C1orf185: variants seen among roughly 807,000 people sequenced by gnomAD.
C1orf185 encodes the protein uncharacterized protein C1orf185.
A neutral mutation model predicts 16.1 loss-of-function variants in C1orf185; 13 were observed. That is an observed-to-expected ratio of 0.81 (90% CI 0.53 to 1.28). The LOEUF is 1.28. Ranked by LOEUF, C1orf185 falls within the 50% of genes most tolerant of loss-of-function variation. The probability of loss-of-function intolerance (pLI) is 0.00; values close to 1 mark genes in which losing one functional copy is unlikely to be tolerated. For synonymous variants in C1orf185, 80 were observed against 76.9 expected (o/e 1.04, Z -0.21); for missense variants, 220 against 225.2 (o/e 0.98, Z 0.15).
At chr1:51,151,715 G>A (rs368874478), downstream of C1orf185, among the ~76,000 whole-genome samples, 2 of 151,786 alleles carry the variant, frequency 1.3e-5, no homozygotes, top group South Asian at 2.1e-4. Flanking sequence ...TTGAGACAGA[G>A]TCTTGCTCTG....
chr1:51,141,205 T>A (rs1400228567), intron 3 of C1orf185, among the ~76,000 whole-genome samples: 1 of 152,204 alleles, frequency 6.6e-6, no homozygotes, highest in Non-Finnish European at 1.5e-5. Context: ...TAAGAAGAGA[T>A]AAGGCCAGGG....
intron 4 of C1orf185, among the ~76,000 whole-genome samples, chr1:51,146,506 A>C (rs990530661): frequency 6.6e-6 from 1 of 152,054 alleles, no homozygotes; most frequent in Non-Finnish European, 1.5e-5. Context: ...CTTATACATA[A>C]ATTTTTTAAA....
intron 1 of C1orf185, among the ~76,000 whole-genome samples, chr1:51,108,183 A>G (rs1297211082): frequency 6.6e-6 from 1 of 152,156 alleles, no homozygotes; most frequent in Non-Finnish European, 1.5e-5. Flanking sequence ...GGCACTGTAT[A>G]TAGTGGTCAT....
At chr1:51,107,445 T>G (rs1646082034) in intron 1 of C1orf185, 1 of 152,194 alleles carries the variant, frequency 6.6e-6, no homozygotes, top group Non-Finnish European at 1.5e-5. Context: ...AATAGTAAAA[T>G]TTGGTGTACT....
chr1:51,134,596 T>TAAAA (rs1557651035), intron 3 of C1orf185, among the ~76,000 whole-genome samples: 2 of 151,502 alleles, frequency 1.3e-5, no homozygotes, highest in Non-Finnish European at 2.9e-5. Flanking sequence ...TAAAATAAAA[T>TAAAA]AGACCACTAG....
chr1:51,137,333 G>A (rs887039996), intron 3 of C1orf185, among the ~76,000 whole-genome samples: 3 of 152,080 alleles, frequency 2.0e-5, no homozygotes, highest in African/African-American at 7.2e-5. Flanking sequence ...AGGAGTTAGA[G>A]ACCAGTCTGG....
chr1:51,123,827 T>C (rs780606306), intron 3 of C1orf185, among the ~76,000 whole-genome samples: 5 of 152,154 alleles, frequency 3.3e-5, no homozygotes, highest in Non-Finnish European at 5.9e-5. Context: ...GTTCGATCTT[T>C]CATTCATTTT....
intron 3 of C1orf185, among the ~76,000 whole-genome samples, chr1:51,133,739 AG>A (rs749330181): frequency 3.9e-5 from 6 of 152,258 alleles, no homozygotes; most frequent in Non-Finnish European, 8.8e-5. Context: ...TCACCCAAAA[AG>A]AACAGAATAT....
chr1:51,112,018 A>G (rs1386608909), intron 1 of C1orf185, among the ~76,000 whole-genome samples: 2 of 152,092 alleles, frequency 1.3e-5, no homozygotes, highest in African/African-American at 4.8e-5. Flanking sequence ...AAAATTCCTC[A>G]TATTTGTTAC....
intron 4 of C1orf185, 73 bp from the exon 5 acceptor site, chr1:51,147,394 A>G (rs1646407411): frequency 7.5e-7 from 1 of 1,339,744 alleles, no homozygotes. Context: ...TATCCTGCCC[A>G]TTCTGACATT....
At chr1:51,143,195 C>A (rs890372595) in intron 3 of C1orf185, among the ~76,000 whole-genome samples, 8 of 152,178 alleles carry the variant, frequency 5.3e-5, no homozygotes, top group African/African-American at 1.9e-4. Flanking sequence ...TGTGAAGACA[C>A]TTTGAAACCA....
chr1:51,128,034 C>T (rs1226378183), intron 3 of C1orf185, among the ~76,000 whole-genome samples: 1 of 151,872 alleles, frequency 6.6e-6, no homozygotes, highest in African/African-American at 2.4e-5. Flanking sequence ...ACTATAGGCG[C>T]GTGCCACCAC....
chr1:51,113,923 G>C (rs908703693), intron 2 of C1orf185, among the ~76,000 whole-genome samples: 5 of 152,124 alleles, frequency 3.3e-5, no homozygotes, highest in Admixed American at 2.6e-4. Context: ...TTACAACTGT[G>C]AACAAGTTTA....
At chr1:51,145,606 AAC>A in intron 3 of C1orf185, 116 bp from the exon 4 acceptor site, 1 of 502,576 alleles carries the variant, frequency 2.0e-6, no homozygotes. Flanking sequence ...TGTGGAAAGA[AAC>A]ATTTTCCATT....
At chr1:51,110,317 C>T (rs558968702) in intron 1 of C1orf185, among the ~76,000 whole-genome samples, 1 of 152,264 alleles carries the variant, frequency 6.6e-6, no homozygotes, top group Non-Finnish European at 1.5e-5. Context: ...TATATAGCAT[C>T]ATTATAACTT....
At chr1:51,135,882 T>C (rs1210928340) in intron 3 of C1orf185, among the ~76,000 whole-genome samples, 1 of 152,166 alleles carries the variant, frequency 6.6e-6, no homozygotes, top group East Asian at 1.9e-4. Context: ...TGTGTGCAGA[T>C]GACATGCTCC....
At chr1:51,106,588 A>T (rs1156997251) in intron 1 of C1orf185, among the ~76,000 whole-genome samples, 1 of 152,080 alleles carries the variant, frequency 6.6e-6, no homozygotes, top group Non-Finnish European at 1.5e-5. Flanking sequence ...GCTCAAGGCT[A>T]TAGTGAGCTA....
chr1:51,125,785 A>G (rs1324046270), intron 3 of C1orf185, among the ~76,000 whole-genome samples: 3 of 152,144 alleles, frequency 2.0e-5, no homozygotes, highest in Admixed American at 6.5e-5. Flanking sequence ...TATGAAGGAG[A>G]TAGAAAAATG....
rs979247392 is a variant in C1orf185, at chr1:51,128,243, G to A, written c.258+9442G>A. Among the ~76,000 whole-genome samples, 42 of 152,068 alleles carry A rather than the reference G, an allele frequency of 2.8e-4. 1 individual carries two copies. Among genetic ancestry groups the A allele is most frequent in the African/African-American group, 1.0e-3 (42 of 41,410 alleles). On this transcript the variant is annotated intron_variant, in intron 3 of 4. Coordinates refer to ENST00000371759, the MANE Select transcript of C1orf185 (RefSeq NM_001136508.2). ...TGAACCTGGAATTGTCAAGGCTTGGGGAGACATACATGTAAATTTATAAGA... is the reference window on the plus strand; with the variant it reads ...TGAACCTGGAATTGTCAAGGCTTGGAGAGACATACATGTAAATTTATAAGA...
Sources: allele counts gnomAD v4.1 joint callset (sites outside exome capture counted in the v4.1 genomes callset), GRCh38; gene constraint gnomAD v4.1.1; transcripts MANE v1.5; gene names NCBI Gene and HGNC (gene_info 2026-07-23, HGNC 2026-07-21).